PTPRK: variants seen among roughly 807,000 people sequenced by gnomAD.
The protein encoded by PTPRK is protein tyrosine phosphatase receptor type K.
Under a neutral mutation model 178.0 loss-of-function variants are expected in PTPRK, and 75 were observed. That is an observed-to-expected ratio of 0.42 (90% confidence interval 0.35 to 0.51). The LOEUF (loss-of-function observed/expected upper bound fraction) is 0.51. Ranked by LOEUF, PTPRK falls within the 20% of genes least tolerant of loss-of-function variation. The pLI is 0.02. For missense variants in PTPRK, 1,441 were observed against 1,797.8 expected, an observed-to-expected ratio of 0.80 and a Z score of 3.59; for synonymous variants, 637 against 620.6, an observed-to-expected ratio of 1.03 and a Z score of -0.39.
intron 3 of PTPRK, among the ~76,000 whole-genome samples, chr6:128,252,762 C>A (rs1816672213): frequency 6.6e-6 from 1 of 152,132 alleles, no homozygotes. Flanking sequence ...AACTCAGGTC[C>A]CAGTTCCGAC....
At position 128,136,465 on chromosome 6, in the gene PTPRK, TC is replaced by T. The variant is rs1795030984; in HGVS notation, c.1163-46474del. ...GCATAATTCATTTAATAAAATGGCATCCTTAGGCTCTTACTTTTGATTCAAA... is the reference window on the plus strand; with the variant it reads ...GCATAATTCATTTAATAAAATGGCATCTTAGGCTCTTACTTTTGATTCAAA... On this transcript the variant is annotated intron_variant, in intron 7 of 29. Coordinates refer to ENST00000368226, the MANE Select transcript of PTPRK (RefSeq NM_002844.4). Among the ~76,000 whole-genome samples the T allele has an allele frequency of 6.6e-5, 10 of 152,310 alleles. No homozygotes were observed. The South Asian group carries it at 2.1e-3, about 32-fold the overall frequency.
chr6:128,410,803 G>A (rs1842219562), intron 1 of PTPRK, among the ~76,000 whole-genome samples: 1 of 152,334 alleles, frequency 6.6e-6, no homozygotes, highest in East Asian at 1.9e-4. Flanking sequence ...CAGGGTAAGT[G>A]AGGGTGAGAG....
intron 3 of PTPRK, among the ~76,000 whole-genome samples, chr6:128,283,370 A>C (rs2128303610): frequency 6.6e-6 from 1 of 152,354 alleles, no homozygotes; most frequent in East Asian, 1.9e-4. Context: ...AGGAGAGCTC[A>C]AAATACAATT....
At chr6:128,094,970 G>C (rs528869126) in intron 7 of PTPRK, among the ~76,000 whole-genome samples, 1 of 152,224 alleles carries the variant, frequency 6.6e-6, no homozygotes, top group South Asian at 2.1e-4. Context: ...GCATGTGTTA[G>C]TGAGCATGAC....
At chr6:128,083,651 T>C (rs1785221753) in intron 9 of PTPRK, 64 bp downstream of exon 9, 2 of 943,092 alleles carry the variant, frequency 2.1e-6, no homozygotes, top group African/African-American at 1.7e-5. Flanking sequence ...CTCTAACTTT[T>C]CCTTTCTTCT....
chr6:128,467,151 C>A (rs768601500), intron 1 of PTPRK, among the ~76,000 whole-genome samples: 1 of 152,060 alleles, frequency 6.6e-6, no homozygotes, highest in Admixed American at 6.6e-5. Context: ...AGGTGAGCAC[C>A]ACCGCGCCCG....
At chr6:128,307,611 A>C (rs1247203541) in intron 3 of PTPRK, among the ~76,000 whole-genome samples, 21 of 152,144 alleles carry the variant, frequency 1.4e-4, no homozygotes, top group Non-Finnish European at 1.5e-5. Flanking sequence ...AAGGCTTCCC[A>C]ATTGATAAGA....
At chr6:128,306,615 C>T (rs1232254709) in intron 3 of PTPRK, among the ~76,000 whole-genome samples, 2 of 151,728 alleles carry the variant, frequency 1.3e-5, no homozygotes, top group Non-Finnish European at 1.5e-5. Context: ...TCAACATAGG[C>T]AGACAGCATC....
chr6:128,438,392 C>T (rs1845880602), intron 1 of PTPRK, among the ~76,000 whole-genome samples: 1 of 152,202 alleles, frequency 6.6e-6, no homozygotes, highest in Non-Finnish European at 1.5e-5. Flanking sequence ...AAATGGCAAT[C>T]GCCAGCAGGG....
At chr6:128,289,813 C>T (rs752320666) in intron 3 of PTPRK, among the ~76,000 whole-genome samples, 1 of 152,072 alleles carries the variant, frequency 6.6e-6, no homozygotes, top group Non-Finnish European at 1.5e-5. Context: ...GTATTTCATA[C>T]TACCATAATT....
intron 1 of PTPRK, among the ~76,000 whole-genome samples, chr6:128,458,641 ATTAAT>A (rs1848674119): frequency 1.3e-5 from 2 of 152,258 alleles, no homozygotes; most frequent in Non-Finnish European, 1.5e-5. Context: ...TGAACGGTGT[ATTAAT>A]TTGATTGTAG....
intron 13 of PTPRK, among the ~76,000 whole-genome samples, chr6:128,036,825 G>A (rs1448374120): frequency 6.6e-6 from 1 of 151,626 alleles, no homozygotes; most frequent in African/African-American, 2.4e-5. Context: ...TCTGCCTCCC[G>A]GGTTGAATTG....
At chr6:128,002,330 A>C (rs577515021) in intron 15 of PTPRK, among the ~76,000 whole-genome samples, 105 of 151,886 alleles carry the variant, frequency 6.9e-4, no homozygotes, top group Middle Eastern at 3.4e-3. Flanking sequence ...GACATTTGGG[A>C]ATTTACAAGA....
At chr6:128,214,570 T>TTAA (rs1808879165) in intron 6 of PTPRK, among the ~76,000 whole-genome samples, 1 of 151,892 alleles carries the variant, frequency 6.6e-6, no homozygotes, top group Non-Finnish European at 1.5e-5. Context: ...ATTATTATTA[T>TTAA]TTTGATAGTT....
At position 128,240,091 on chromosome 6, in the gene PTPRK, T is replaced by C. The variant is rs763956147; in HGVS notation, c.637A>G (p.Thr213Ala). The C allele has an allele frequency of 3.1e-6, 5 of 1,614,134 alleles. No individual in the cohort carries two copies. The highest frequency in any genetic ancestry group is 2.2e-5 in the South Asian group (2 of 91,088). The change falls in exon 5 of 30, where the codon ACA becomes GCA. Residue 213 changes from threonine (T) to alanine (A), a missense_variant. This residue lies in a region of PTPRK where 945 missense variants were observed against 1,080.6 expected (regional missense o/e 0.87). Transcript: ENST00000368226. ...DVEVNAGQNA[T>A]FQCIATGRDA... ...CTCCCTGTGGCAATGCACTGAAATG[T>C]AGCGTTTTGCCCTGCATTCACCTCT...
chr6:127,986,039 T>A (rs1222373968), intron 21 of PTPRK, among the ~76,000 whole-genome samples, 164 bp from the exon 22 acceptor site: 6 of 151,960 alleles, frequency 3.9e-5, no homozygotes, highest in Non-Finnish European at 5.9e-5. Context: ...AATGAAGGCC[T>A]AACATGGACT....
At chr6:128,335,072 A>G (rs1448925162) in intron 2 of PTPRK, among the ~76,000 whole-genome samples, 1 of 152,192 alleles carries the variant, frequency 6.6e-6, no homozygotes, top group Non-Finnish European at 1.5e-5. Context: ...TGGGCGACAG[A>G]GTGAGACACT....
rs548852139 is a variant in PTPRK at position 127,975,695 on chromosome 6, G to A, written c.3969+962C>T. On this transcript the variant is annotated intron_variant, in intron 27 of 29. Coordinates refer to ENST00000368226, the MANE Select transcript of PTPRK (RefSeq NM_002844.4). ...TTTTTATTAATATCTTTTTTTGGGG[G>A]ACGAAGTCTCGCTCTATACAGCCTG... is the stretch of plus-strand genomic sequence containing the variant. 6.6e-5 allele frequency among the ~76,000 whole-genome samples: 10 copies of A among 152,050 alleles called. No homozygotes were observed. The East Asian group carries it at 1.9e-3, about 29-fold the overall frequency.
chr6:128,460,570 T>C (rs1423269596), intron 1 of PTPRK, among the ~76,000 whole-genome samples: 1 of 152,090 alleles, frequency 6.6e-6, no homozygotes, highest in Non-Finnish European at 1.5e-5. Context: ...AATGCCCTTT[T>C]CCTTCCAAAA....
Sources: gnomAD v4.1 joint callset for allele counts (sites outside exome capture counted in the v4.1 genomes callset) on GRCh38, gnomAD v4.1.1 for gene constraint, gnomAD v4.1.1 regional missense constraint, MANE v1.5 for transcripts, NCBI Gene and HGNC (gene_info 2026-07-23, HGNC 2026-07-21) for gene names.